Variants in AHNAK observed in about 807,000 individuals in gnomAD.
AHNAK encodes AHNAK nucleoprotein, also known as neuroblast differentiation-associated protein AHNAK.
Under a neutral mutation model 37.8 loss-of-function variants are expected in AHNAK, and 23 were observed. The ratio of observed to expected loss-of-function variants is 0.61; its 90% CI spans 0.44 to 0.86. The LOEUF (loss-of-function observed/expected upper bound fraction) is 0.86. Ranked by LOEUF, AHNAK falls within the 40% of genes least tolerant of loss-of-function variation. The probability of loss-of-function intolerance (pLI) is 0.00; values close to 1 mark genes in which losing one functional copy is unlikely to be tolerated. For missense variants in AHNAK, 7,411 were observed against 7,319.4 expected (o/e 1.01, Z -0.46); for synonymous variants, 2,481 against 2,636.3 (o/e 0.94, Z 1.80).
intron 1 of AHNAK, among the ~76,000 whole-genome samples, chr11:62,540,850 G>A (rs1349844271): frequency 1.3e-5 from 2 of 152,160 alleles, no homozygotes; most frequent in Non-Finnish European, 2.9e-5. Context: ...AGCCCATCCT[G>A]TCACTTCAAA....
At chr11:62,441,754 G>A (rs570896597) in intron 5 of AHNAK, among the ~76,000 whole-genome samples, 5 of 151,988 alleles carry the variant, frequency 3.3e-5, no homozygotes, top group East Asian at 1.9e-4. Context: ...CACCCACCTC[G>A]GCCTCCCAAA....
chr11:62,526,217 C>G lies in AHNAK; in HGVS notation c.8200G>C (p.Gly2734Arg). Residue 2734 changes from glycine (G) to arginine (R), a missense_variant, in exon 5 of 5, where the codon GGT (glycine) becomes CGT (arginine). Transcript: ENST00000378024. Reference protein sequence around the residue: ...DVDVSLPKVEGDLKGPEVDIK... With the variant: ...DVDVSLPKVERDLKGPEVDIK... ...TCAACTTCTGGGCCCTTGAGGTCAC[C>G]TTCCACTTTAGGAAGGGAAACATCC... is the stretch of plus-strand genomic sequence containing the variant. 1 of 1,613,992 alleles carries G rather than the reference C, an allele frequency of 6.2e-7. No homozygotes were observed.
At chr11:62,493,567 C>CCAATCTGGGCAACAAGAATG (rs1565213284) in intron 4 of AHNAK, among the ~76,000 whole-genome samples, 2 of 152,036 alleles carry the variant, frequency 1.3e-5, no homozygotes, top group African/African-American at 4.8e-5. Flanking sequence ...CTCCTGACCT[C>CCAATCTGGGCAACAAGAATG]AGGTTATCCA....
At chr11:62,455,600 G>GCCTATAATCCC (rs1319805060) in intron 5 of AHNAK, among the ~76,000 whole-genome samples, 2 of 152,122 alleles carry the variant, frequency 1.3e-5, no homozygotes, top group African/African-American at 2.4e-5. Flanking sequence ...AGCTACTCAG[G>GCCTATAATCCC]AGGCTGAGGC....
intron 5 of AHNAK, among the ~76,000 whole-genome samples, chr11:62,440,474 GCAGA>G (rs1168338575): frequency 1.3e-5 from 2 of 152,020 alleles, no homozygotes; most frequent in Admixed American, 6.6e-5. Context: ...AGAGGGAACG[GCAGA>G]CACAGATCCC....
intron 5 of AHNAK, among the ~76,000 whole-genome samples, chr11:62,472,394 C>G (rs943643044): frequency 4.6e-5 from 7 of 152,108 alleles, no homozygotes; most frequent in Admixed American, 1.3e-4. Flanking sequence ...GTCCTCACAA[C>G]TGTTCTTCTA....
rs149805243 is a variant in AHNAK, at chr11:62,519,612, C to T, written c.14805G>A (p.Pro4935=). The T allele has an allele frequency of 6.2e-6, 10 of 1,613,534 alleles. No individual in the cohort carries two copies. The highest frequency in any genetic ancestry group is 5.3e-5 in the African/African-American group (4 of 74,878). The change falls in exon 5 of 5, where the codon CCG becomes CCA. Residue 4935 remains proline, a synonymous_variant. Coordinates refer to ENST00000378024, the MANE Select transcript of AHNAK (RefSeq NM_001620.3). Reference sequence around the variant, plus strand: ...GGTCCACTTCACCACCTTCTAACTTCGGACCTGAAAATCCAATTTTTGGTG... The same window carrying T: ...GGTCCACTTCACCACCTTCTAACTTTGGACCTGAAAATCCAATTTTTGGTG... ...LKAPKIGFSG[P]KLEGGEVDLK...
intron 5 of AHNAK, among the ~76,000 whole-genome samples, chr11:62,487,850 G>A (rs1192011525): frequency 6.6e-6 from 1 of 152,158 alleles, no homozygotes; most frequent in Admixed American, 6.6e-5. Flanking sequence ...GGCTCACGGC[G>A]GGGACAGGAA....
rs552271180 is a variant in AHNAK, at chr11:62,539,525, A to C, written c.-99-2958T>G. On this transcript the variant is annotated intron_variant, in intron 1 of 4. Transcript: ENST00000378024. Reference sequence around the variant, plus strand: ...GTTGAGCCTAAAACCCCAAGGACAAAGTGCCTCCTGGGCCAGACCCCCAGG... The same window carrying C: ...GTTGAGCCTAAAACCCCAAGGACAACGTGCCTCCTGGGCCAGACCCCCAGG... 5.9e-5 allele frequency among the ~76,000 whole-genome samples: 9 copies of C among 151,654 alleles called. No homozygotes were observed. The South Asian group carries it at 1.9e-3, about 32-fold the overall frequency.
chr11:62,463,508 G>C, intron 5 of AHNAK, among the ~76,000 whole-genome samples: 1 of 151,994 alleles, frequency 6.6e-6, no homozygotes, highest in East Asian at 1.9e-4. Context: ...CTTGCTTTCA[G>C]TTCATGATTT....
At chr11:62,493,567 C>CCAATCTGGGCAACAAG (rs1565213284) in intron 4 of AHNAK, among the ~76,000 whole-genome samples, 1 of 152,038 alleles carries the variant, frequency 6.6e-6, no homozygotes, top group African/African-American at 2.4e-5. Context: ...CTCCTGACCT[C>CCAATCTGGGCAACAAG]AGGTTATCCA....
chr11:62,460,292 T>TAAAC (rs923628216), intron 5 of AHNAK, among the ~76,000 whole-genome samples: 5 of 151,718 alleles, frequency 3.3e-5, no homozygotes, highest in African/African-American at 9.7e-5. Flanking sequence ...GTCTCAAAAA[T>TAAAC]AAACAAACAA....
Position 62,525,112 on chromosome 11 carries a change from C to T in AHNAK, c.9305G>A (p.Gly3102Asp), listed in dbSNP as rs759279435. The change falls in exon 5 of 5, where the codon GGT becomes GAT. Residue 3102 changes from glycine to aspartate, a missense_variant. By Grantham distance (94) the Gly-to-Asp change is moderately conservative. Transcript: ENST00000378024. ...SMPDIDLNLKGPKVKGDMDVS... is the reference protein window; with the variant it reads ...SMPDIDLNLKDPKVKGDMDVS... The stretch of plus-strand genomic sequence containing the variant: ...ATCCATGTCACCCTTCACTTTGGGA[C>T]CTTTCAGGTTAAGATCAATGTCAGG... The T allele has an allele frequency of 5.0e-6, 8 of 1,613,996 alleles. No homozygotes were observed. The highest frequency in any genetic ancestry group is 6.8e-6 in the Non-Finnish European group (8 of 1,180,038).
rs554992277 is a variant in AHNAK, at chr11:62,518,825, C to G, written c.15592G>C (p.Asp5198His). The G allele has an allele frequency of 1.2e-6, 2 of 1,614,238 alleles. No individual in the cohort carries two copies. The highest frequency in any genetic ancestry group is 1.3e-5 in the African/African-American group (1 of 75,066). ...GGTCCTTTCAAGTTTACATTCACAT[C>G]AGGGATGGAGACTTGAGGGGCAGAA... ...GISAPQVSIP[D>H]VNVNLKGPKI... Residue 5198 changes from aspartate (D) to histidine (H), a missense_variant, in exon 5 of 5, where the codon GAT becomes CAT. Transcript: ENST00000378024.
In AHNAK at chr11:62,478,453, C is replaced by T. The variant is rs1039188128; in HGVS notation, c.442+13279G>A. ...ATGCCTAGAAAACAGGACAGGGTGC[C>T]GGGTGCCGGTGGCTCACTCCTGCAA... On this transcript the variant is annotated intron_variant, in intron 5 of 5. Transcript: ENST00000257247. Among the ~76,000 whole-genome samples the T allele has an allele frequency of 4.6e-5, 7 of 152,198 alleles. No individual in the cohort carries two copies. The South Asian group carries it at 6.2e-4, about 14-fold the overall frequency.
intron 1 of AHNAK, among the ~76,000 whole-genome samples, chr11:62,538,350 C>T (rs1384999574): frequency 2.0e-5 from 3 of 152,194 alleles, no homozygotes; most frequent in South Asian, 4.1e-4. Context: ...GTAATAAATT[C>T]GCCCTCCAGC....
At chr11:62,542,458 G>A (rs1179997643) in intron 1 of AHNAK, among the ~76,000 whole-genome samples, 1 of 134,234 alleles carries the variant, frequency 7.4e-6, no homozygotes, top group African/African-American at 2.9e-5. Context: ...CCCTTCCCCT[G>A]GCCCCTCACA....
chr11:62,520,770 T>A lies in AHNAK; in HGVS notation c.13647A>T (p.Lys4549Asn). The change falls in exon 5 of 5, where the codon AAA becomes AAT. Residue 4549 changes from lysine to asparagine, a missense_variant. Transcript: ENST00000378024. ...ISVPKLEGDL[K>N]GPKVDVKGPK... ...GGCCTTTGACATCCACTTTGGGACCTTTCAGATCTCCCTCCAGTTTAGGAA... is the reference window on the plus strand; with the variant it reads ...GGCCTTTGACATCCACTTTGGGACCATTCAGATCTCCCTCCAGTTTAGGAA... The A allele has an allele frequency of 6.2e-7, 1 of 1,614,046 alleles. No homozygotes were observed. Among genetic ancestry groups the A allele is most frequent in the Non-Finnish European group, 8.5e-7 (1 of 1,179,974 alleles).
At position 62,521,085 on chromosome 11, in the gene AHNAK, C is replaced by T. The variant is rs771062132; in HGVS notation, c.13332G>A (p.Gly4444=). 4 of 1,613,736 alleles carry T rather than the reference C, an allele frequency of 2.5e-6. No homozygotes were observed. The highest frequency in any genetic ancestry group is 1.7e-4 in the Middle Eastern group (1 of 6,058). ...NIEGPEGKLK[G]PKFKMPEMNI... The stretch of plus-strand genomic sequence containing the variant: ...TCATCTCAGGCATCTTAAATTTGGG[C>T]CCCTTCAATTTTCCTTCCGGACCTT... Residue 4444 remains glycine (G), a synonymous_variant, in exon 5 of 5, where the codon GGG becomes GGA. Coordinates refer to ENST00000378024, the MANE Select transcript of AHNAK (RefSeq NM_001620.3).
Sources: allele counts gnomAD v4.1 joint callset (sites outside exome capture counted in the v4.1 genomes callset), GRCh38; gene constraint gnomAD v4.1.1; transcripts MANE v1.5; gene names NCBI Gene and HGNC (gene_info 2026-07-23, HGNC 2026-07-21).